Variants in WSCD2 observed in about 807,000 individuals in gnomAD.
The protein encoded by WSCD2 is sialate:O-sulfotransferase 2.
WSCD2 carries 28 observed loss-of-function variants against 55.7 expected under a neutral mutation model. The observed-to-expected ratio is 0.50, with a 90% confidence interval of 0.37 to 0.69. The LOEUF is 0.69. WSCD2 is among the 30% of genes least tolerant of loss of function. The pLI, the probability that WSCD2 is intolerant of heterozygous loss-of-function variation, is 0.00. For synonymous variants in WSCD2, 301 were observed against 301.9 expected, an observed-to-expected ratio of 1.00 and a Z score of 0.03; for missense variants, 616 against 762.1, an observed-to-expected ratio of 0.81 and a Z score of 2.26.
chr12:108,143,578 T>C (rs1640026777), intron 1 of WSCD2, among the ~76,000 whole-genome samples: 2 of 152,214 alleles, frequency 1.3e-5, no homozygotes, highest in Admixed American at 6.5e-5. Context: ...GCAAGGTACT[T>C]AGCACTGCCC....
intron 7 of WSCD2, among the ~76,000 whole-genome samples, chr12:108,235,227 T>C (rs1394023371): frequency 6.6e-6 from 1 of 152,146 alleles, no homozygotes; most frequent in African/African-American, 2.4e-5. Flanking sequence ...AACAAGATAA[T>C]GTTTGTGAGA....
Position 108,240,337 on chromosome 12 carries a change from C to T in WSCD2, c.1145-7C>T, listed in dbSNP as rs532473224. The stretch of plus-strand genomic sequence containing the variant: ...CAGTCCTGTTCCTCACCTCTGGCTG[C>T]GGGAAGGGTTTAAAGGTGAGCGGGA... On this transcript the variant is annotated splice_polypyrimidine_tract_variant and splice_region_variant and intron_variant, in intron 7 of 8. Transcript: ENST00000547525. The T allele has an allele frequency of 1.2e-4, 189 of 1,613,618 alleles. No individual in the cohort carries two copies. The highest frequency in any genetic ancestry group is 1.5e-4 in the Non-Finnish European group (178 of 1,180,006).
At position 108,132,117 on chromosome 12, in the gene WSCD2, A is replaced by G. The variant is rs188009282; in HGVS notation, c.-552+2191A>G. On this transcript the variant is annotated intron_variant, in intron 1 of 8. Transcript: ENST00000547525. ...GAATGATGAAATTGTCAGGGAATGCAGTGGACTGGTCAGTGTGATTTTTTT... is the reference window on the plus strand; with the variant it reads ...GAATGATGAAATTGTCAGGGAATGCGGTGGACTGGTCAGTGTGATTTTTTT... Among the ~76,000 whole-genome samples the G allele has an allele frequency of 3.5e-5, 5 of 142,824 alleles. No homozygotes were observed. In the East Asian group the frequency reaches 1.2e-3, roughly 34 times the overall value. The allele number at this position is 142,824 out of a possible 152,430, so 93.7% of individuals were successfully genotyped here.
chr12:108,162,388 A>T (rs1406128020), intron 1 of WSCD2, among the ~76,000 whole-genome samples: 1 of 151,606 alleles, frequency 6.6e-6, no homozygotes, highest in Admixed American at 6.6e-5. Context: ...GGGCTGGGGG[A>T]TCCCCAGCCC....
chr12:108,172,779 G>T (rs1880368761), intron 1 of WSCD2, among the ~76,000 whole-genome samples: 2 of 152,132 alleles, frequency 1.3e-5, no homozygotes, highest in South Asian at 4.1e-4. Context: ...AGCTGTGAGA[G>T]AGTAAACTTT....
intron 1 of WSCD2, among the ~76,000 whole-genome samples, chr12:108,175,009 C>T (rs919853504): frequency 6.6e-6 from 1 of 152,186 alleles, no homozygotes; most frequent in African/African-American, 2.4e-5. Context: ...TCGCCCCTCT[C>T]TTCAGAGTGC....
chr12:108,224,800 C>G lies in WSCD2; in HGVS notation c.744C>G (p.Pro248=). Residue 248 remains proline (P), a synonymous_variant, in exon 5 of 9, where the codon CCC becomes CCG. Transcript: ENST00000547525. ...CCGACAACCTTTCCCTGGCCTTACC[C>G]GTGACAGCTGCCATGCTGAACATGT... The part of the protein sequence containing the change: ...RRPDNLSLAL[P]VTAAMLNMSV... 1 of 1,613,732 alleles carries G rather than the reference C, an allele frequency of 6.2e-7. No homozygotes were observed. Among genetic ancestry groups the G allele is most frequent in the Non-Finnish European group, 8.5e-7 (1 of 1,180,044 alleles).
intron 1 of WSCD2, among the ~76,000 whole-genome samples, chr12:108,151,113 C>A (rs1877952061): frequency 6.6e-6 from 1 of 152,052 alleles, no homozygotes; most frequent in Admixed American, 6.5e-5. Context: ...GGAGCTCACT[C>A]CCATGAGGTC....
intron 2 of WSCD2, among the ~76,000 whole-genome samples, chr12:108,197,823 T>G (rs1337525089): frequency 1.3e-5 from 2 of 151,442 alleles, no homozygotes; most frequent in Non-Finnish European, 2.9e-5. Context: ...TGCAACCTCA[T>G]CTTATAACCC....
At chr12:108,239,001 G>A (rs768649255) in intron 7 of WSCD2, among the ~76,000 whole-genome samples, 1 of 152,184 alleles carries the variant, frequency 6.6e-6, no homozygotes, top group Non-Finnish European at 1.5e-5. Flanking sequence ...GCTTAGACTA[G>A]TCTCCAGCTG....
rs1055352366 is a variant in WSCD2, at chr12:108,219,165, G to A, written c.683-5574G>A. On this transcript the variant is annotated intron_variant, in intron 4 of 8. Coordinates refer to ENST00000547525, the MANE Select transcript of WSCD2 (RefSeq NM_014653.4). Reference sequence around the variant, plus strand: ...GAGCCCGTGGGATTATTGTCTCCACGTGCATAAACACCTTATGGTAAGACT... The same window carrying A: ...GAGCCCGTGGGATTATTGTCTCCACATGCATAAACACCTTATGGTAAGACT... 2.6e-5 allele frequency among the ~76,000 whole-genome samples: 4 copies of A among 152,258 alleles called. No individual in the cohort carries two copies. In the South Asian group the frequency reaches 6.2e-4, roughly 24 times the overall value.
At chr12:108,134,757 A>C (rs1455567171) in intron 1 of WSCD2, among the ~76,000 whole-genome samples, 1 of 152,138 alleles carries the variant, frequency 6.6e-6, no homozygotes, top group African/African-American at 2.4e-5. Flanking sequence ...TGTCCATCCT[A>C]ATATCAACAC....
chr12:108,140,205 C>T (rs536158289), intron 1 of WSCD2, among the ~76,000 whole-genome samples: 58 of 152,316 alleles, frequency 3.8e-4, no homozygotes, highest in Non-Finnish European at 7.1e-4. Flanking sequence ...GAGTTAACCA[C>T]TCTTCGCCTC....
intron 8 of WSCD2, among the ~76,000 whole-genome samples, chr12:108,244,849 T>C (rs1889976977): frequency 6.6e-6 from 1 of 152,128 alleles, no homozygotes; most frequent in African/African-American, 2.4e-5. Context: ...TATTTTTTCT[T>C]TTTAAAAATT....
chr12:108,210,288 A>C lies in WSCD2; in HGVS notation c.665A>C (p.Gln222Pro). 3 of 1,594,234 alleles carry C rather than the reference A, an allele frequency of 1.9e-6. No individual in the cohort carries two copies. The highest frequency in any genetic ancestry group is 2.6e-6 in the Non-Finnish European group (3 of 1,171,814). Residue 222 changes from glutamine (Q) to proline (P), a missense_variant, in exon 4 of 9, where the codon CAG becomes CCG. By Grantham distance (76) the Gln-to-Pro change is moderately conservative. Transcript: ENST00000547525. This position sits in a 1 kb window ranked among gnomAD's most constrained non-coding sequence, Gnocchi z 4.3. ...TCTGTCTACCGGCTGCAGCTGGCCC[A>C]GGAGTCGGCCCGCAGGTGTACGTGA... ...RLSVYRLQLAQESARRYGSAV... is the reference protein window; with the variant it reads ...RLSVYRLQLAPESARRYGSAV...
chr12:108,181,230 C>A (rs117918117), intron 1 of WSCD2, among the ~76,000 whole-genome samples: 1 of 152,304 alleles, frequency 6.6e-6, no homozygotes, highest in East Asian at 1.9e-4. Flanking sequence ...GGGATGCAAC[C>A]AGACAGACCT....
intron 1 of WSCD2, among the ~76,000 whole-genome samples, chr12:108,174,832 G>C (rs886551573): frequency 1.3e-5 from 2 of 152,160 alleles, no homozygotes; most frequent in Non-Finnish European, 2.9e-5. Flanking sequence ...TTGTTGCCCA[G>C]ATTTGGCCTT....
chr12:108,132,056 A>ATG (rs147728372), intron 1 of WSCD2, among the ~76,000 whole-genome samples: 217 of 151,626 alleles, frequency 1.4e-3, no homozygotes, highest in African/African-American at 4.7e-3. Context: ...GTGTGTACGC[A>ATG]TGTGTGTGTG....
chr12:108,217,771 G>A (rs1181926785), intron 4 of WSCD2, among the ~76,000 whole-genome samples: 2 of 152,174 alleles, frequency 1.3e-5, no homozygotes, highest in East Asian at 1.9e-4. Context: ...GCCCAAAGAG[G>A]TGCACAGCAG....
Sources: allele counts gnomAD v4.1 joint callset (sites outside exome capture counted in the v4.1 genomes callset), GRCh38; gene constraint gnomAD v4.1.1; non-coding constraint Gnocchi (gnomAD v3.1); transcripts MANE v1.5; gene names NCBI Gene and HGNC (gene_info 2026-07-23, HGNC 2026-07-21).